NSMCE2: variants seen among roughly 807,000 people sequenced by gnomAD.
NSMCE2 encodes the protein E3 SUMO-protein ligase NSE2.
NSMCE2 carries 24 observed loss-of-function variants against 23.8 expected under a neutral mutation model. That is an observed-to-expected ratio of 1.01 (90% CI 0.73 to 1.42). The LOEUF is 1.42. Ranked by LOEUF, NSMCE2 falls within the 40% of genes most tolerant of loss-of-function variation. The pLI is 0.00. For synonymous variants in NSMCE2, 92 were observed against 94.1 expected (o/e 0.98, Z 0.13); for missense variants, 284 against 296.5 (o/e 0.96, Z 0.31).
At chr8:125,360,263 G>A (rs1813472977) in intron 7 of NSMCE2, among the ~76,000 whole-genome samples, 1 of 152,202 alleles carries the variant, frequency 6.6e-6, no homozygotes, top group African/African-American at 2.4e-5. Context: ...TGCAGCAAGT[G>A]TGAGTTTTGC....
At chr8:125,320,077 G>A (rs1355255870) in intron 5 of NSMCE2, among the ~76,000 whole-genome samples, 1 of 151,560 alleles carries the variant, frequency 6.6e-6, no homozygotes, top group Non-Finnish European at 1.5e-5. Flanking sequence ...TCAGGAGGCT[G>A]CGGCAGGAAA....
intron 3 of NSMCE2, among the ~76,000 whole-genome samples, chr8:125,135,361 C>A (rs1011723998): frequency 1.3e-5 from 2 of 152,134 alleles, no homozygotes; most frequent in African/African-American, 4.8e-5. Context: ...CAAACAGATT[C>A]TTTTGAAGAA....
intron 5 of NSMCE2, among the ~76,000 whole-genome samples, chr8:125,264,683 C>T (rs1026058774): frequency 2.0e-5 from 3 of 151,840 alleles, no homozygotes; most frequent in Admixed American, 6.6e-5. Flanking sequence ...ACTTCAGAAC[C>T]GTGTAAGAGC....
At chr8:125,224,003 AT>A (rs917990079) in intron 5 of NSMCE2, among the ~76,000 whole-genome samples, 2 of 151,794 alleles carry the variant, frequency 1.3e-5, no homozygotes, top group African/African-American at 2.4e-5. Flanking sequence ...TGCCTGGCTA[AT>A]TTTTTTAAAT....
intron 5 of NSMCE2, among the ~76,000 whole-genome samples, chr8:125,192,843 G>C (rs1823418387): frequency 6.6e-6 from 1 of 152,182 alleles, no homozygotes; most frequent in Admixed American, 6.5e-5. Context: ...CTGCCTGCCA[G>C]ATGATGATAG....
At chr8:125,147,441 T>C (rs906221636) in intron 3 of NSMCE2, among the ~76,000 whole-genome samples, 2 of 152,132 alleles carry the variant, frequency 1.3e-5, no homozygotes, top group Non-Finnish European at 2.9e-5. Flanking sequence ...AAAATCTCTT[T>C]GGTGAAAGGA....
intron 3 of NSMCE2, among the ~76,000 whole-genome samples, chr8:125,104,234 C>T (rs1003198191): frequency 1.1e-4 from 16 of 152,182 alleles, no homozygotes; most frequent in African/African-American, 3.6e-4. Flanking sequence ...AGGTAATCCG[C>T]CTGCCTTGGC....
intron 1 of NSMCE2, among the ~76,000 whole-genome samples, chr8:125,095,091 A>G (rs191852780): frequency 1.8e-4 from 28 of 151,850 alleles, no homozygotes; most frequent in Middle Eastern, 3.4e-3. Flanking sequence ...GCTCAAGCCA[A>G]CCTCCCACAT....
chr8:125,221,331 A>C (rs971639099), intron 5 of NSMCE2, among the ~76,000 whole-genome samples: 2 of 152,150 alleles, frequency 1.3e-5, no homozygotes, highest in African/African-American at 4.8e-5. Context: ...CTTCAGCCTC[A>C]ACTTCCCTCA....
At chr8:125,249,714 A>G (rs1283506679) in intron 5 of NSMCE2, among the ~76,000 whole-genome samples, 2 of 152,216 alleles carry the variant, frequency 1.3e-5, no homozygotes, top group African/African-American at 4.8e-5. Context: ...CCTTCAAGCA[A>G]GAATACTCAG....
At chr8:125,167,023 G>C (rs1821920985) in intron 4 of NSMCE2, among the ~76,000 whole-genome samples, 1 of 152,022 alleles carries the variant, frequency 6.6e-6, no homozygotes, top group African/African-American at 2.4e-5. Context: ...AGAGCACCAC[G>C]TATGTGGATT....
chr8:125,102,923 C>G (rs1259892673), intron 3 of NSMCE2, among the ~76,000 whole-genome samples: 1 of 152,082 alleles, frequency 6.6e-6, no homozygotes, highest in East Asian at 1.9e-4. Flanking sequence ...GAGAAAAGTT[C>G]AACTTTAATG....
chr8:125,164,599 C>T (rs1821779719), intron 4 of NSMCE2, among the ~76,000 whole-genome samples: 1 of 151,874 alleles, frequency 6.6e-6, no homozygotes, highest in African/African-American at 2.4e-5. Flanking sequence ...CTATTTGAAG[C>T]AAAGAATACT....
chr8:125,296,651 C>T (rs1828340267), intron 5 of NSMCE2, among the ~76,000 whole-genome samples: 1 of 152,146 alleles, frequency 6.6e-6, no homozygotes, highest in African/African-American at 2.4e-5. Context: ...CCACCTTGGC[C>T]TCCCAAAGTG....
At chr8:125,339,992 C>A (rs1441399299) in intron 5 of NSMCE2, among the ~76,000 whole-genome samples, 1 of 150,498 alleles carries the variant, frequency 6.6e-6, no homozygotes, top group South Asian at 2.1e-4. Flanking sequence ...CATAAGCCTC[C>A]GACGTTGTAG....
At chr8:125,204,001 T>C (rs1051120996) in intron 5 of NSMCE2, among the ~76,000 whole-genome samples, 2 of 152,206 alleles carry the variant, frequency 1.3e-5, no homozygotes, top group Non-Finnish European at 2.9e-5. Flanking sequence ...TAGAATGTCA[T>C]TGCGGTGAGA....
intron 5 of NSMCE2, among the ~76,000 whole-genome samples, chr8:125,201,743 G>T (rs1320178447): frequency 2.0e-5 from 3 of 152,224 alleles, no homozygotes; most frequent in Admixed American, 1.3e-4. Flanking sequence ...AGACAGGGAC[G>T]TTTAAGTCTG....
chr8:125,148,264 G>T (rs768374160), intron 3 of NSMCE2, among the ~76,000 whole-genome samples: 3 of 152,138 alleles, frequency 2.0e-5, no homozygotes, highest in Non-Finnish European at 2.9e-5. Context: ...ACTGACCCAA[G>T]CCTTGCCCAT....
chr8:125,364,728 G>C (rs1200810176), intron 7 of NSMCE2, among the ~76,000 whole-genome samples: 1 of 152,202 alleles, frequency 6.6e-6, no homozygotes, highest in African/African-American at 2.4e-5. Context: ...AGGGGATCTG[G>C]AAGGGAATTA....
Sources: gnomAD v4.1 joint callset for allele counts (sites outside exome capture counted in the v4.1 genomes callset) on GRCh38, gnomAD v4.1.1 for gene constraint, MANE v1.5 for transcripts, NCBI Gene and HGNC (gene_info 2026-07-23, HGNC 2026-07-21) for gene names.